The following CRAT variants were observed in gnomAD, a reference collection of about 807,000 sequenced individuals.
CRAT encodes the protein carnitine acetylase.
CRAT carries 66 observed loss-of-function variants against 73.7 expected under a neutral mutation model. The ratio of observed to expected loss-of-function variants is 0.90; its 90% CI spans 0.73 to 1.10. CRAT has a LOEUF of 1.10. Ranked by LOEUF, CRAT falls within the 50% of genes least tolerant of loss-of-function variation. CRAT has a pLI of 0.00. For missense variants in CRAT, 745 were observed against 846.9 expected, an observed-to-expected ratio of 0.88 and a Z score of 1.49; for synonymous variants, 321 against 343.2, an observed-to-expected ratio of 0.94 and a Z score of 0.71.
In CRAT at chr9:129,096,204, C is replaced by CT. The variant is rs1847273992; in HGVS notation, c.1528-70dup. On this transcript the variant is annotated intron_variant, in intron 12 of 13. Coordinates refer to ENST00000318080, the MANE Select transcript of CRAT (RefSeq NM_000755.5). ...CCGGGGTATCCCTGCCCTCTTCAGCCTGTGGCAGCGCCACCCTTCGCAGGC... is the reference window on the plus strand; with the variant it reads ...CCGGGGTATCCCTGCCCTCTTCAGCCTTGTGGCAGCGCCACCCTTCGCAGGC... The CT allele has an allele frequency of 1.5e-5, 24 of 1,590,598 alleles. No homozygotes were observed. The East Asian group carries it at 4.7e-4, about 31-fold the overall frequency.
Position 129,102,425 on chromosome 9 carries a change from T to C in CRAT, c.605A>G (p.His202Arg). The change falls in exon 5 of 14, where the codon CAC becomes CGC. Residue 202 changes from histidine to arginine, a missense_variant. Transcript: ENST00000318080. ...NFSKTKKPPT[H>R]ITVVHNYQFF... ...CTGGTAGTTGTGTACCACGGTGATG[T>C]GCGTGGGAGGCTTCTTGGTCTTGCT... The C allele has an allele frequency of 6.2e-7, 1 of 1,614,148 alleles. No individual in the cohort carries two copies. The highest frequency in any genetic ancestry group is 8.5e-7 in the Non-Finnish European group (1 of 1,179,996).
Position 129,107,402 on chromosome 9 carries a change from A to C in CRAT, c.291+412T>G. On this transcript the variant is annotated intron_variant, in intron 2 of 13. Coordinates refer to ENST00000318080, the MANE Select transcript of CRAT (RefSeq NM_000755.5). This position sits in a 1 kb window ranked among gnomAD's most constrained non-coding sequence, Gnocchi z 5.0. ...AAGCACACCAAACATTGGTGTAGAC[A>C]TATTTGCCAAACTGGGTACACCTGT... 1.7e-6 allele frequency: 1 copy of C among 573,842 alleles called. No individual in the cohort carries two copies. The highest frequency in any genetic ancestry group is 3.1e-6 in the Non-Finnish European group (1 of 322,230). 35.5% of individuals were successfully genotyped at this position (573,842 alleles called of 1,614,324 possible).
At chr9:129,108,311 C>G (rs1443732222) in intron 1 of CRAT, 26 of 1,145,234 alleles carry the variant, frequency 2.3e-5, no homozygotes, top group Non-Finnish European at 3.0e-5. Context: ...CTTAGCAAGG[C>G]TCAGGGGAAC....
chr9:129,105,067 ATT>A (rs879716423), intron 2 of CRAT, among the ~76,000 whole-genome samples: 1 of 130,680 alleles, frequency 7.7e-6, no homozygotes, highest in Non-Finnish European at 1.6e-5. Flanking sequence ...TGCCCGGCTA[ATT>A]TTTTTTTTTG....
intron 4 of CRAT, 140 bp downstream of exon 4, chr9:129,102,873 C>T: frequency 1.2e-6 from 1 of 843,562 alleles, no homozygotes; most frequent in East Asian, 2.4e-5. Context: ...CAGGGTCACC[C>T]ACCAAGAGGA....
At chr9:129,104,874 G>T (rs1369971906) in intron 2 of CRAT, among the ~76,000 whole-genome samples, 1 of 147,720 alleles carries the variant, frequency 6.8e-6, no homozygotes, top group Non-Finnish European at 1.5e-5. Context: ...AAAGTGCTGG[G>T]ATTACAGGCA....
rs767998416 is a variant in CRAT, at chr9:129,095,509, G to T, written c.1769C>A (p.Ser590Ter). 1 of 1,613,532 alleles carries T rather than the reference G, an allele frequency of 6.2e-7. No individual in the cohort carries two copies. The highest frequency in any genetic ancestry group is 8.5e-7 in the Non-Finnish European group (1 of 1,180,002). ...GGTCTCCGCGCAGCTGTTGTAGGCC[G>T]ACAGGGAGAAGTTGATGTGGGCCTC... ...PMEAHINFSLSAYNSCAETNA... is the reference protein window; with the variant it reads ...PMEAHINFSL Residue 590 changes from serine to a stop codon, truncating the protein, a stop_gained, in exon 14 of 14, where the codon TCG becomes TAG. Transcript: ENST00000318080. LOFTEE classifies it high-confidence loss of function.
intron 12 of CRAT, 46 bp from the exon 13 acceptor site, chr9:129,096,181 G>A (rs371097012): frequency 6.1e-5 from 98 of 1,607,250 alleles, no homozygotes; most frequent in Non-Finnish European, 7.5e-5. Context: ...GTGGACCCCC[G>A]GGGTATCCCT....
chr9:129,107,659 T>C lies in CRAT; in HGVS notation c.291+155A>G. 1 of 1,039,822 alleles carries C rather than the reference T, an allele frequency of 9.6e-7. No individual in the cohort carries two copies. Among genetic ancestry groups the C allele is most frequent in the Non-Finnish European group, 1.5e-6 (1 of 678,642 alleles). 64.4% of individuals were successfully genotyped at this position (1,039,822 alleles called of 1,614,324 possible). On this transcript the variant is annotated intron_variant, in intron 2 of 13. Coordinates refer to ENST00000318080, the MANE Select transcript of CRAT (RefSeq NM_000755.5). The surrounding 1 kb of genome is among the most constrained non-coding windows in gnomAD (Gnocchi z 5.0). ...CTCCAAGGAGCTGGTGACTGTGTCC[T>C]TCTTGATCACCCAGCACCCTGCCAA...
At position 129,102,419 on chromosome 9, in the gene CRAT, G is replaced by A; in HGVS notation, c.611C>T (p.Thr204Ile). 4 of 1,614,190 alleles carry A rather than the reference G, an allele frequency of 2.5e-6. No homozygotes were observed. Among genetic ancestry groups the A allele is most frequent in the Non-Finnish European group, 3.4e-6 (4 of 1,180,014 alleles). The change falls in exon 5 of 14, where the codon ACC (threonine) becomes ATC (isoleucine). Residue 204 changes from threonine to isoleucine, a missense_variant. Transcript: ENST00000318080. ...ACCCACCTGGTAGTTGTGTACCACG[G>A]TGATGTGCGTGGGAGGCTTCTTGGT... Reference protein sequence around the residue: ...SKTKKPPTHITVVHNYQFFEL... With the variant: ...SKTKKPPTHIIVVHNYQFFEL...
chr9:129,102,618 G>A (rs958509402), intron 4 of CRAT, 53 bp from the exon 5 acceptor site: 31 of 1,598,408 alleles, frequency 1.9e-5, no homozygotes, highest in African/African-American at 4.0e-5. Context: ...ATGGGGAGGA[G>A]GGCAGGGTAG....
At chr9:129,109,717 TGCACCCTCCGCCCTCTGGCCCC>T (rs1848268361) in intron 1 of CRAT, among the ~76,000 whole-genome samples, 1 of 152,140 alleles carries the variant, frequency 6.6e-6, no homozygotes. Flanking sequence ...TGAGCCTGGA[TGCACCCTCCGCCCTCTGGCCCC>T]GTAGTGTGTG....
Position 129,101,845 on chromosome 9 carries a change from C to A in CRAT, c.805+38G>T, listed in dbSNP as rs1166913592. 4 of 1,602,052 alleles carry A rather than the reference C, an allele frequency of 2.5e-6. No homozygotes were observed. The East Asian group carries it at 6.7e-5, about 27-fold the overall frequency. ...GGCTGGTCCCCAACAGGGGAAGAGG[C>A]CTGGGTGTGCAGCCCCAGCACGGCC... is the stretch of plus-strand genomic sequence containing the variant. On this transcript the variant is annotated intron_variant, in intron 6 of 13. Coordinates refer to ENST00000318080, the MANE Select transcript of CRAT (RefSeq NM_000755.5).
At position 129,101,919 on chromosome 9, in the gene CRAT, T is replaced by TG; in HGVS notation, c.768dup (p.Asn257GlnfsTer197). On this transcript the variant is annotated frameshift_variant, in exon 6 of 14. Transcript: ENST00000318080. LOFTEE classifies it high-confidence loss of function. ...GTGTTGTATGCCTTGGCCCAGGAGT[T>TG]GCGGTGGTTGGAGGTGAGGATGCCC... 1 of 1,614,074 alleles carries TG rather than the reference T, an allele frequency of 6.2e-7. No individual in the cohort carries two copies. Among genetic ancestry groups the TG allele is most frequent in the Non-Finnish European group, 8.5e-7 (1 of 1,179,980 alleles).
Position 129,097,300 on chromosome 9 carries a change from C to T in CRAT, c.1477G>A (p.Val493Met), listed in dbSNP as rs138040705. The T allele has an allele frequency of 2.6e-6, 4 of 1,566,242 alleles. No homozygotes were observed. The highest frequency in any genetic ancestry group is 1.3e-5 in the African/African-American group (1 of 74,302). Residue 493 changes from valine (V) to methionine (M), a missense_variant, in exon 12 of 14, where the codon GTG becomes ATG. Coordinates refer to ENST00000318080, the MANE Select transcript of CRAT (RefSeq NM_000755.5). Reference sequence around the variant, plus strand: ...TGCACGGCCTTCCGCAGCAGCTCCACCTTCTGGTGCTCCTAGAGTGGTGAG... The same window carrying T: ...TGCACGGCCTTCCGCAGCAGCTCCATCTTCTGGTGCTCCTAGAGTGGTGAG... ...DDSSVTEHQK[V>M]ELLRKAVQAH...
chr9:129,107,908 G>A lies in CRAT; in HGVS notation c.197C>T (p.Thr66Ile). Residue 66 changes from threonine to isoleucine, a missense_variant, in exon 2 of 14, where the codon ACC (threonine) becomes ATC (isoleucine). By Grantham distance (89) the Thr-to-Ile change is moderately conservative (BLOSUM62 -1). Transcript: ENST00000318080. The surrounding 1 kb of genome is among the most constrained non-coding windows in gnomAD (Gnocchi z 5.0). The part of the protein sequence containing the change: ...PIVSEEEWAH[T>I]KQLVDEFQAS... ...CTGAAACTCATCCACCAGCTGCTTG[G>A]TGTGGGCCCACTCCTCCTCACTCAC... is the stretch of plus-strand genomic sequence containing the variant. The A allele has an allele frequency of 6.2e-7, 1 of 1,611,212 alleles. No individual in the cohort carries two copies. Among genetic ancestry groups the A allele is most frequent in the African/African-American group, 1.3e-5 (1 of 75,036 alleles).
intron 4 of CRAT, 28 bp from the exon 5 acceptor site, chr9:129,102,593 C>G: frequency 6.2e-7 from 1 of 1,611,504 alleles, no homozygotes; most frequent in South Asian, 1.1e-5. Context: ...AGTGAGGCCA[C>G]CACTGGGCAA....
chr9:129,110,685 C>T lies in CRAT; in HGVS notation c.-176G>A. The T allele has an allele frequency of 1.2e-6, 1 of 801,474 alleles. No homozygotes were observed. Among genetic ancestry groups the T allele is most frequent in the Non-Finnish European group, 1.8e-6 (1 of 552,854 alleles). The allele number at this position is 801,474 out of a possible 1,614,324, so 49.6% of individuals were successfully genotyped here. A position where few individuals can be genotyped will look rare whatever the true frequency, so the allele number is the denominator to read the frequency against. On this transcript the variant is annotated 5_prime_UTR_variant, in exon 1 of 14. Coordinates refer to ENST00000318080, the MANE Select transcript of CRAT (RefSeq NM_000755.5). The surrounding 1 kb of genome is among the most constrained non-coding windows in gnomAD (Gnocchi z 5.3). ...CCCCGCGCCCACCCTCTGGGCCGAG[C>T]GGGCTGCGGGAAGGCACCCGGGGAG... is the stretch of plus-strand genomic sequence containing the variant.
intron 11 of CRAT, 65 bp downstream of exon 11, chr9:129,097,948 T>G: frequency 1.3e-6 from 2 of 1,582,644 alleles, no homozygotes; most frequent in South Asian, 2.2e-5. Context: ...TATTGTGTGT[T>G]GACTGAGTGA....
Sources: allele counts gnomAD v4.1 joint callset (sites outside exome capture counted in the v4.1 genomes callset), GRCh38; gene constraint gnomAD v4.1.1; non-coding constraint Gnocchi (gnomAD v3.1); transcripts MANE v1.5; gene names NCBI Gene and HGNC (gene_info 2026-07-23, HGNC 2026-07-21).